Variants in EPAS1 observed in about 807,000 individuals in gnomAD.
EPAS1 encodes endothelial PAS domain protein 1.
Under a neutral mutation model 87.9 loss-of-function variants are expected in EPAS1, and 23 were observed. The observed-to-expected ratio is 0.26, with a 90% confidence interval of 0.19 to 0.37. The LOEUF (loss-of-function observed/expected upper bound fraction) is 0.37. EPAS1 is among the 10% of genes least tolerant of loss of function. EPAS1 has a pLI of 1.00. For synonymous variants in EPAS1, 508 were observed against 444.3 expected (o/e 1.14, Z -1.80); for missense variants, 1,138 against 1,120.7 (o/e 1.02, Z -0.22).
At chr2:46,342,466 G>A (rs915105649) in intron 1 of EPAS1, among the ~76,000 whole-genome samples, 3 of 152,160 alleles carry the variant, frequency 2.0e-5, no homozygotes, top group African/African-American at 7.2e-5. Flanking sequence ...CTCTTTACCT[G>A]CTGAAATCCA....
At chr2:46,382,723 A>G in intron 15 of EPAS1, 125 bp downstream of exon 15, 2 of 1,279,574 alleles carry the variant, frequency 1.6e-6, no homozygotes, top group East Asian at 2.5e-5. Flanking sequence ...GAAGTCACCT[A>G]TACAGGGCTC....
intron 1 of EPAS1, among the ~76,000 whole-genome samples, chr2:46,332,557 C>T (rs1683708094): frequency 6.6e-6 from 1 of 152,026 alleles, no homozygotes; most frequent in Non-Finnish European, 1.5e-5. Context: ...GTAGAGTGGA[C>T]TTTTTGAAGT....
rs535202677 is a variant in EPAS1 at position 46,297,908 on chromosome 2, G to A, written c.-4G>A. On this transcript the variant is annotated 5_prime_UTR_variant, in exon 1 of 16. Transcript: ENST00000263734. ...TCTGAACGTCTCAAAGGGCCACAGC[G>A]ACAATGACAGCTGACAAGGAGAAGA... The A allele has an allele frequency of 4.4e-4, 709 of 1,612,138 alleles. 9 individuals are homozygous for A. The South Asian group carries it at 5.3e-3, about 12-fold the overall frequency.
chr2:46,321,208 A>C (rs1164475449), intron 1 of EPAS1, among the ~76,000 whole-genome samples: 3 of 152,240 alleles, frequency 2.0e-5, no homozygotes, highest in Non-Finnish European at 4.4e-5. Context: ...ACATGTATTC[A>C]AAGTTTTATT....
At chr2:46,370,761 A>C (rs1170809695) in intron 7 of EPAS1, among the ~76,000 whole-genome samples, 1 of 152,220 alleles carries the variant, frequency 6.6e-6, no homozygotes, top group Non-Finnish European at 1.5e-5. Context: ...GAGAAGTTCT[A>C]GAGTGTATCC....
At chr2:46,361,661 T>TTC (rs1412547164) in intron 6 of EPAS1, among the ~76,000 whole-genome samples, 1 of 152,190 alleles carries the variant, frequency 6.6e-6, no homozygotes, top group African/African-American at 2.4e-5. Context: ...ACAGTAGTGA[T>TTC]TAAGAGCATG....
rs752805685 is a variant in EPAS1, at chr2:46,356,192, A to C, written c.259A>C (p.Met87Leu). The C allele has an allele frequency of 6.3e-7, 1 of 1,592,554 alleles. No individual in the cohort carries two copies. Among genetic ancestry groups the C allele is most frequent in the South Asian group, 1.1e-5 (1 of 90,638 alleles). The stretch of plus-strand genomic sequence containing the variant: ...GTCCGAAGCCGAAGCTGACCAGCAG[A>C]TGGACAACTTGTACCTGAAAGCCTT... ...NESEAEADQQ[M>L]DNLYLKALEG... Residue 87 changes from methionine to leucine, a missense_variant, in exon 3 of 16, where the codon ATG becomes CTG. By Grantham distance (15) the Met-to-Leu change is conservative. Coordinates refer to ENST00000263734, the MANE Select transcript of EPAS1 (RefSeq NM_001430.5).
rs376675093 is a variant in EPAS1 at position 46,318,738 on chromosome 2, A to G, written c.26+20801A>G. ...GTAGCAGAACTACTTGTAAATTCAC[A>G]TGACGTGTCTTCCCTAAATTCAACA... On this transcript the variant is annotated intron_variant, in intron 1 of 15. Coordinates refer to ENST00000263734, the MANE Select transcript of EPAS1 (RefSeq NM_001430.5). Among the ~76,000 whole-genome samples, 65 of 152,348 alleles carry G rather than the reference A, an allele frequency of 4.3e-4. 1 individual carries two copies. Among genetic ancestry groups the G allele is most frequent in the African/African-American group, 1.5e-3 (61 of 41,558 alleles).
chr2:46,328,356 C>T (rs1449188517), intron 1 of EPAS1, among the ~76,000 whole-genome samples: 1 of 152,200 alleles, frequency 6.6e-6, no homozygotes, highest in African/African-American at 2.4e-5. Context: ...TACCACTCTT[C>T]GTTAACCAAA....
intron 1 of EPAS1, among the ~76,000 whole-genome samples, chr2:46,326,124 G>A (rs1683557792): frequency 2.0e-5 from 3 of 152,142 alleles, no homozygotes; most frequent in Non-Finnish European, 4.4e-5. Flanking sequence ...GTTGCCCCTG[G>A]GGATAGCCTA....
At chr2:46,314,840 C>T (rs1295724878) in intron 1 of EPAS1, among the ~76,000 whole-genome samples, 1 of 152,188 alleles carries the variant, frequency 6.6e-6, no homozygotes, top group Non-Finnish European at 1.5e-5. Flanking sequence ...ACTTCCATGA[C>T]AGCAGCAAGA....
chr2:46,380,106 C>T lies in EPAS1; in HGVS notation c.1555-121C>T, dbSNP rs777486184. ...ATAGGCCCTCGGGAGCCAGTGGAGG[C>T]GTTTGAGCAGCACTGTGAAACAGTG... is the stretch of plus-strand genomic sequence containing the variant. On this transcript the variant is annotated intron_variant, in intron 11 of 15. Transcript: ENST00000263734. This position sits in a 1 kb window ranked among gnomAD's most constrained non-coding sequence, Gnocchi z 4.4. 4.0e-4 allele frequency: 617 copies of T among 1,530,348 alleles called. 1 individual carries two copies. The highest frequency in any genetic ancestry group is 5.0e-4 in the Non-Finnish European group (559 of 1,118,604). 94.8% of individuals were successfully genotyped at this position (1,530,348 alleles called of 1,614,324 possible).
At chr2:46,307,306 C>G (rs1169717615) in intron 1 of EPAS1, among the ~76,000 whole-genome samples, 2 of 152,200 alleles carry the variant, frequency 1.3e-5, no homozygotes, top group African/African-American at 4.8e-5. Flanking sequence ...TGTGGTGTTG[C>G]TGGACACACC....
chr2:46,355,517 G>T (rs72887408), intron 2 of EPAS1, among the ~76,000 whole-genome samples: 2,775 of 152,274 alleles, frequency 0.018, 81 homozygotes, highest in African/African-American at 0.062. Context: ...AAGAATAGTA[G>T]CTACCTCGTC....
rs2103662143 is a variant in EPAS1, at chr2:46,375,662, A to C, written c.887-28A>C. ...GTGCACACCCCTGCCCCACCTCCCT[A>C]AGCTCAGCTCTGTTTCTCCTCCCCT... On this transcript the variant is annotated intron_variant, in intron 7 of 15. Transcript: ENST00000263734. The surrounding 1 kb of genome is among the most constrained non-coding windows in gnomAD (Gnocchi z 4.1). 1 of 1,611,444 alleles carries C rather than the reference A, an allele frequency of 6.2e-7. No homozygotes were observed. Among genetic ancestry groups the C allele is most frequent in the East Asian group, 2.2e-5 (1 of 44,768 alleles).
chr2:46,383,485 A>G (rs1311855416), intron 15 of EPAS1, among the ~76,000 whole-genome samples: 1 of 152,226 alleles, frequency 6.6e-6, no homozygotes, highest in Non-Finnish European at 1.5e-5. Flanking sequence ...CAATTTCCTC[A>G]GCAATAGAGT....
intron 2 of EPAS1, among the ~76,000 whole-genome samples, chr2:46,348,604 T>C (rs760840936): frequency 2.0e-4 from 31 of 152,356 alleles, no homozygotes; most frequent in South Asian, 1.0e-3. Flanking sequence ...TTAATTCCTT[T>C]GGATTAATCA....
chr2:46,315,070 T>G (rs914437640), intron 1 of EPAS1, among the ~76,000 whole-genome samples: 3 of 152,220 alleles, frequency 2.0e-5, no homozygotes, highest in Non-Finnish European at 2.9e-5. Flanking sequence ...ATGGCTGATA[T>G]GATCTCTGCC....
intron 7 of EPAS1, among the ~76,000 whole-genome samples, chr2:46,374,494 G>A (rs990873266): frequency 3.3e-5 from 5 of 152,168 alleles, no homozygotes; most frequent in African/African-American, 1.2e-4. Flanking sequence ...AAATGGCAGT[G>A]GTATGCTGGG....
Sources: gnomAD v4.1 joint callset for allele counts (sites outside exome capture counted in the v4.1 genomes callset) on GRCh38, gnomAD v4.1.1 for gene constraint, Gnocchi (gnomAD v3.1) non-coding constraint, MANE v1.5 for transcripts, NCBI Gene and HGNC (gene_info 2026-07-23, HGNC 2026-07-21) for gene names.